Variants in PCSK5 observed in about 807,000 individuals in gnomAD.
PCSK5 encodes the protein prohormone convertase 5.
A neutral mutation model predicts 233.2 loss-of-function variants in PCSK5; 129 were observed. That is an observed-to-expected ratio of 0.55 (90% CI 0.48 to 0.64). The LOEUF (loss-of-function observed/expected upper bound fraction) is 0.64, where lower values mean the gene tolerates loss of function less well. PCSK5 is among the 30% of genes least tolerant of loss of function. The pLI is 0.00. For synonymous variants in PCSK5, 825 were observed against 879.2 expected (o/e 0.94, Z 1.09); for missense variants, 2,076 against 2,430.1 (o/e 0.85, Z 3.06).
At chr9:76,205,933 C>T (rs971345732) in intron 20 of PCSK5, among the ~76,000 whole-genome samples, 4 of 152,174 alleles carry the variant, frequency 2.6e-5, no homozygotes, top group Non-Finnish European at 2.9e-5. Context: ...ACATTGGCCA[C>T]TTTCTACTAC....
intron 10 of PCSK5, among the ~76,000 whole-genome samples, chr9:76,136,097 A>G (rs1277347225): frequency 6.6e-6 from 1 of 152,044 alleles, no homozygotes; most frequent in Non-Finnish European, 1.5e-5. Context: ...GCCAAGAGTA[A>G]CAATTAAAGT....
intron 5 of PCSK5, among the ~76,000 whole-genome samples, chr9:76,040,409 CT>C (rs1829069388): frequency 8.4e-6 from 1 of 119,402 alleles, no homozygotes; most frequent in Non-Finnish European, 1.7e-5. Context: ...CTCTCTCTCT[CT>C]CTCAACAGGT....
At chr9:76,297,713 C>T (rs955832256) in intron 27 of PCSK5, among the ~76,000 whole-genome samples, 10 of 152,110 alleles carry the variant, frequency 6.6e-5, no homozygotes, top group African/African-American at 2.2e-4. Flanking sequence ...CATTTGATTT[C>T]GAGGCAAGAA....
At chr9:76,255,136 A>C (rs910498991) in intron 24 of PCSK5, among the ~76,000 whole-genome samples, 1 of 151,974 alleles carries the variant, frequency 6.6e-6, no homozygotes, top group African/African-American at 2.4e-5. Context: ...AAAATACAAA[A>C]ATTAATTGAG....
chr9:76,316,196 T>A (rs1829025936), intron 30 of PCSK5, among the ~76,000 whole-genome samples: 1 of 152,106 alleles, frequency 6.6e-6, no homozygotes, highest in Non-Finnish European at 1.5e-5. Context: ...TGGATCATTG[T>A]GGCAAGCCAG....
chr9:76,275,910 G>T (rs1354915363), intron 24 of PCSK5, among the ~76,000 whole-genome samples: 1 of 152,140 alleles, frequency 6.6e-6, no homozygotes, highest in Non-Finnish European at 1.5e-5. Flanking sequence ...CAAATTCCTT[G>T]AGGTAGGGAC....
chr9:76,283,685 T>C (rs1414209314), intron 24 of PCSK5, among the ~76,000 whole-genome samples: 1 of 152,228 alleles, frequency 6.6e-6, no homozygotes, highest in Non-Finnish European at 1.5e-5. Context: ...TCCCAACAGA[T>C]GCTTTTTTAT....
At position 75,910,152 on chromosome 9, in the gene PCSK5, C is replaced by T. The variant is rs564861601; in HGVS notation, c.192+18779C>T. Among the ~76,000 whole-genome samples, 7 of 152,282 alleles carry T rather than the reference C, an allele frequency of 4.6e-5. No individual in the cohort carries two copies. In the South Asian group the frequency reaches 1.2e-3, roughly 27 times the overall value. The stretch of plus-strand genomic sequence containing the variant: ...CACTCTAGTGGAACCTAGTCCATCT[C>T]GATAAACACAAAAGGCCAAGCTCAA... On this transcript the variant is annotated intron_variant, in intron 1 of 37. Coordinates refer to ENST00000674117, the MANE Select transcript of PCSK5 (RefSeq NM_001372043.1).
At chr9:76,143,090 T>C (rs1823295911) in intron 10 of PCSK5, among the ~76,000 whole-genome samples, 1 of 152,170 alleles carries the variant, frequency 6.6e-6, no homozygotes, top group Non-Finnish European at 1.5e-5. Context: ...TGAAAGATGT[T>C]TGAGAACTTG....
At chr9:76,263,280 G>A (rs1587816328) in intron 24 of PCSK5, among the ~76,000 whole-genome samples, 3 of 152,256 alleles carry the variant, frequency 2.0e-5, no homozygotes, top group South Asian at 2.1e-4. Flanking sequence ...ATTACTGGGT[G>A]TATAACCAAA....
chr9:75,930,265 A>G (rs1173904591), intron 1 of PCSK5, among the ~76,000 whole-genome samples: 1 of 152,154 alleles, frequency 6.6e-6, no homozygotes, highest in Non-Finnish European at 1.5e-5. Context: ...TGAGGGAATT[A>G]TGGGAGCTAC....
chr9:76,086,528 T>A (rs1037914850), intron 7 of PCSK5, among the ~76,000 whole-genome samples: 4 of 152,172 alleles, frequency 2.6e-5, no homozygotes, highest in African/African-American at 7.2e-5. Flanking sequence ...CCAGTATGAA[T>A]TGACATCGAG....
chr9:76,292,969 C>G (rs938795813), intron 25 of PCSK5, among the ~76,000 whole-genome samples: 1 of 152,170 alleles, frequency 6.6e-6, no homozygotes, highest in African/African-American at 2.4e-5. Context: ...CAAACTCTCA[C>G]GACTATTTCA....
At chr9:76,347,165 C>G (rs1830002870) in intron 35 of PCSK5, among the ~76,000 whole-genome samples, 1 of 151,628 alleles carries the variant, frequency 6.6e-6, no homozygotes, top group Admixed American at 6.6e-5. Context: ...GCTGAGTAAC[C>G]AAAGCCTCTT....
chr9:76,092,416 G>T (rs989593788), intron 7 of PCSK5, among the ~76,000 whole-genome samples: 1 of 152,106 alleles, frequency 6.6e-6, no homozygotes, highest in South Asian at 2.1e-4. Context: ...GTTTAGAGAC[G>T]GTCATTCTCT....
chr9:76,057,675 C>T (rs1223898527), intron 5 of PCSK5, among the ~76,000 whole-genome samples: 6 of 152,022 alleles, frequency 3.9e-5, no homozygotes, highest in Admixed American at 1.3e-4. Context: ...ACAGTCACTA[C>T]GTATTAATGA....
intron 29 of PCSK5, among the ~76,000 whole-genome samples, chr9:76,310,111 G>T (rs567426651): frequency 1.2e-4 from 18 of 152,202 alleles, no homozygotes; most frequent in African/African-American, 4.3e-4. Flanking sequence ...AGCCAGGTGT[G>T]GTGGTGCACG....
At chr9:76,217,920 C>G (rs1051197753) in intron 20 of PCSK5, among the ~76,000 whole-genome samples, 1 of 152,168 alleles carries the variant, frequency 6.6e-6, no homozygotes, top group Non-Finnish European at 1.5e-5. Flanking sequence ...TCCATACAAA[C>G]GCCGCTGCCC....
rs190360093 is a variant in PCSK5 at position 76,139,048 on chromosome 9, G to A, written c.1312+4836G>A. 4.1e-4 allele frequency among the ~76,000 whole-genome samples: 62 copies of A among 151,854 alleles called. 3 individuals are homozygous for A. The East Asian group carries it at 9.7e-3, about 24-fold the overall frequency. On this transcript the variant is annotated intron_variant, in intron 10 of 37. Transcript: ENST00000674117. ...AGTCTAACATGACTTCTTAGCCTCC[G>A]AGGCCTTAACTTTTAATAACCTGTA...
Sources: allele counts gnomAD v4.1 joint callset (sites outside exome capture counted in the v4.1 genomes callset), GRCh38; gene constraint gnomAD v4.1.1; transcripts MANE v1.5; gene names NCBI Gene and HGNC (gene_info 2026-07-23, HGNC 2026-07-21).